The following ADCY3 variants were observed in gnomAD, a reference collection of about 807,000 sequenced individuals.
The protein encoded by ADCY3 is adenylate cyclase type 3.
A neutral mutation model predicts 119.4 loss-of-function variants in ADCY3; 70 were observed. That is an observed-to-expected ratio of 0.59 (90% confidence interval 0.48 to 0.72). The LOEUF is 0.72. Ranked by LOEUF, ADCY3 falls within the 30% of genes least tolerant of loss-of-function variation. The pLI is 0.00. For synonymous variants in ADCY3, 672 were observed against 621.4 expected (o/e 1.08, Z -1.21); for missense variants, 1,238 against 1,541.6 (o/e 0.80, Z 3.30).
rs1553335367 is a variant in ADCY3, at chr2:24,829,022, C to CT, written c.2173-862dup. Among the ~76,000 whole-genome samples, 535 of 144,582 alleles carry CT rather than the reference C, an allele frequency of 3.7e-3. 2 individuals carry two copies. The highest frequency in any genetic ancestry group is 0.011 in the African/African-American group (436 of 39,424). 94.9% of individuals were successfully genotyped at this position (144,582 alleles called of 152,430 possible). On this transcript the variant is annotated intron_variant, in intron 13 of 21. Coordinates refer to ENST00000679454, the MANE Select transcript of ADCY3 (RefSeq NM_004036.5). ...TCCCAGTAGACTTATTCTTTTTTTT[C>CT]TTTTTTTTTTTTGAGATGGAGTCTC... is the stretch of plus-strand genomic sequence containing the variant.
At chr2:24,902,168 C>A (rs1558517206) in intron 2 of ADCY3, among the ~76,000 whole-genome samples, 1 of 147,804 alleles carries the variant, frequency 6.8e-6, no homozygotes, top group Non-Finnish European at 1.5e-5. Flanking sequence ...GCAGCCTCAA[C>A]CTCCTGGGCT....
chr2:24,875,135 C>G (rs1234480451), intron 2 of ADCY3, among the ~76,000 whole-genome samples: 1 of 141,468 alleles, frequency 7.1e-6, no homozygotes, highest in Non-Finnish European at 1.5e-5. Flanking sequence ...CCATCCCTAC[C>G]AGGGAACTCC....
At chr2:24,835,455 G>T (rs568256487) in intron 9 of ADCY3, among the ~76,000 whole-genome samples, 14 of 152,328 alleles carry the variant, frequency 9.2e-5, no homozygotes, top group African/African-American at 3.4e-4. Context: ...TCACTAGAGG[G>T]CTGACAAGGG....
At chr2:24,914,728 G>A (rs974151936) in intron 2 of ADCY3, among the ~76,000 whole-genome samples, 3 of 151,116 alleles carry the variant, frequency 2.0e-5, no homozygotes, top group Admixed American at 6.6e-5. Context: ...AGGATGGGTC[G>A]TGAGAACCAT....
intron 3 of ADCY3, among the ~76,000 whole-genome samples, chr2:24,865,896 G>C (rs978859237): frequency 2.6e-5 from 4 of 152,136 alleles, no homozygotes; most frequent in Non-Finnish European, 5.9e-5. Flanking sequence ...TTGCGACCAG[G>C]GTCGAGAGGC....
At chr2:24,833,655 A>T (rs181422109) in intron 11 of ADCY3, among the ~76,000 whole-genome samples, 1 of 152,236 alleles carries the variant, frequency 6.6e-6, no homozygotes, top group Non-Finnish European at 1.5e-5. Context: ...TGTGTGCCGC[A>T]TCGCTGCCAT....
Position 24,840,656 on chromosome 2 carries a change from C to A in ADCY3, c.1196+603G>T, listed in dbSNP as rs577115204. The A allele has an allele frequency of 1.4e-3, 545 of 401,494 alleles. 5 individuals are homozygous for A. Among genetic ancestry groups the A allele is most frequent in the African/African-American group, 0.01 (492 of 47,914 alleles). The allele number at this position is 401,494 out of a possible 1,614,324, so 24.9% of individuals were successfully genotyped here. On this transcript the variant is annotated intron_variant, in intron 6 of 21. Coordinates refer to ENST00000679454, the MANE Select transcript of ADCY3 (RefSeq NM_004036.5). ...CTTTCCGTGTTGGTGCCTGATGTCA[C>A]CCCGGGTCCCGCAGAGGCTGGAAGT...
chr2:24,820,388 A>C (rs1343511578), intron 21 of ADCY3: 3 of 1,313,804 alleles, frequency 2.3e-6, no homozygotes, highest in African/African-American at 1.5e-5. Flanking sequence ...TGTTACCTGG[A>C]AACTGCCACT....
chr2:24,915,601 T>C (rs1178990453), intron 2 of ADCY3, among the ~76,000 whole-genome samples: 1 of 152,148 alleles, frequency 6.6e-6, no homozygotes, highest in Admixed American at 6.5e-5. Flanking sequence ...AGTGCAGTGG[T>C]GCGATCTCGG....
At chr2:24,906,383 G>C (rs1473865040) in intron 2 of ADCY3, among the ~76,000 whole-genome samples, 1 of 152,218 alleles carries the variant, frequency 6.6e-6, no homozygotes, top group Non-Finnish European at 1.5e-5. Context: ...TGTCCCTGGA[G>C]ATGGGCAATA....
At chr2:24,825,968 C>G in intron 16 of ADCY3, 77 bp downstream of exon 16, 1 of 1,435,164 alleles carries the variant, frequency 7.0e-7, no homozygotes, top group Non-Finnish European at 9.7e-7. Context: ...AGCTTGGGCT[C>G]TTAGGTCCCA....
intron 12 of ADCY3, 53 bp from the exon 13 acceptor site, chr2:24,830,878 G>A: frequency 7.0e-7 from 1 of 1,421,560 alleles, no homozygotes; most frequent in Non-Finnish European, 9.9e-7. Flanking sequence ...CCTTTCTCCT[G>A]CGACGTGACT....
intron 2 of ADCY3, among the ~76,000 whole-genome samples, chr2:24,881,396 A>C (rs1324472657): frequency 4.6e-5 from 7 of 152,240 alleles, no homozygotes; most frequent in Admixed American, 2.0e-4. Context: ...TCTCGGAAGC[A>C]GTGTCATTTC....
intron 2 of ADCY3, among the ~76,000 whole-genome samples, chr2:24,887,635 A>C (rs1677208310): frequency 6.6e-6 from 1 of 151,050 alleles, no homozygotes. Context: ...CTCCCCCCCG[A>C]CACACACACC....
In ADCY3 at chr2:24,834,568, C is replaced by T; in HGVS notation, c.1884G>A (p.Lys628=). Reference sequence around the variant, plus strand: ...TGAAGGCAGCCCCACTCTGCTTCTCCTTCTCCACCGAGTAGCGGGTTTCCA... The same window carrying T: ...TGAAGGCAGCCCCACTCTGCTTCTCTTTCTCCACCGAGTAGCGGGTTTCCA... ...PEMETRYSVE[K]EKQSGAAFSC... Residue 628 remains lysine, a synonymous_variant, in exon 11 of 22, where the codon AAG becomes AAA. Transcript: ENST00000679454. This position sits in a 1 kb window ranked among gnomAD's most constrained non-coding sequence, Gnocchi z 4.2. 6.2e-7 allele frequency: 1 copy of T among 1,614,104 alleles called. No individual in the cohort carries two copies. Among genetic ancestry groups the T allele is most frequent in the Non-Finnish European group, 8.5e-7 (1 of 1,180,028 alleles).
chr2:24,851,675 CA>C (rs1401906754), intron 3 of ADCY3, among the ~76,000 whole-genome samples: 3 of 152,132 alleles, frequency 2.0e-5, no homozygotes, highest in Non-Finnish European at 4.4e-5. Context: ...AAAACCTTTC[CA>C]AAAGTCCCAT....
chr2:24,907,030 C>CT (rs1173890731), intron 2 of ADCY3, among the ~76,000 whole-genome samples: 1 of 152,162 alleles, frequency 6.6e-6, no homozygotes, highest in Non-Finnish European at 1.5e-5. Context: ...ACTCGGAAGG[C>CT]TGAGGCAGGA....
In ADCY3 at chr2:24,842,366, T is replaced by C. The variant is rs1671113299; in HGVS notation, c.844A>G (p.Ile282Val). The C allele has an allele frequency of 6.2e-7, 1 of 1,614,046 alleles. No individual in the cohort carries two copies. The highest frequency in any genetic ancestry group is 8.5e-7 in the Non-Finnish European group (1 of 1,180,006). The change falls in exon 4 of 22, where the codon ATC (isoleucine) becomes GTC (valine). Residue 282 changes from isoleucine to valine, a missense_variant. Transcript: ENST00000679454. The surrounding 1 kb of genome is among the most constrained non-coding windows in gnomAD (Gnocchi z 4.9). ...SQQQENLMLS[I>V]LPKHVADEML... ...TCGTCAGCCACGTGCTTGGGCAGGA[T>C]GGAAAGCATGAGGTTCTCCTGTGAG... is the stretch of plus-strand genomic sequence containing the variant.
chr2:24,871,849 T>C (rs578184395), intron 3 of ADCY3, among the ~76,000 whole-genome samples: 2 of 152,142 alleles, frequency 1.3e-5, no homozygotes, highest in East Asian at 1.9e-4. Context: ...CTGAGTGACA[T>C]GAGAACTGGG....
Sources: allele counts gnomAD v4.1 joint callset (sites outside exome capture counted in the v4.1 genomes callset), GRCh38; gene constraint gnomAD v4.1.1; non-coding constraint Gnocchi (gnomAD v3.1); transcripts MANE v1.5; gene names NCBI Gene and HGNC (gene_info 2026-07-23, HGNC 2026-07-21).